The following SLC7A5 variants were observed in gnomAD, a reference collection of about 807,000 sequenced individuals.
The protein encoded by SLC7A5 is solute carrier family 7 member 5, also known as large neutral amino acids transporter small subunit 1.
Under a neutral mutation model 50.2 loss-of-function variants are expected in SLC7A5, and 23 were observed. That is an observed-to-expected ratio of 0.46 (90% CI 0.33 to 0.65). The LOEUF (loss-of-function observed/expected upper bound fraction) is 0.65, where lower values mean the gene tolerates loss of function less well. Ranked by LOEUF, SLC7A5 falls within the 30% of genes least tolerant of loss-of-function variation. The pLI is 0.02. For synonymous variants in SLC7A5, 393 were observed against 330.6 expected (o/e 1.19, Z -2.05); for missense variants, 578 against 684.4 (o/e 0.84, Z 1.73).
Position 87,832,917 on chromosome 16 carries a change from C to G in SLC7A5, c.*53G>C. 1.4e-6 allele frequency: 2 copies of G among 1,466,466 alleles called. No homozygotes were observed. Among genetic ancestry groups the G allele is most frequent in the Non-Finnish European group, 1.9e-6 (2 of 1,046,158 alleles). 90.8% of individuals were successfully genotyped at this position (1,466,466 alleles called of 1,614,324 possible). A position where few individuals can be genotyped will look rare whatever the true frequency, so the allele number is the denominator to read the frequency against. On this transcript the variant is annotated 3_prime_UTR_variant, in exon 10 of 10. Transcript: ENST00000261622. This position sits in a 1 kb window ranked among gnomAD's most constrained non-coding sequence, Gnocchi z 4.6. ...ACCGGAGTGGGTTCGAGGAGGTGAT[C>G]TACTTTAACTGGCCTCTGCGCATGC...
chr16:87,850,679 T>TCC (rs1274016406), intron 2 of SLC7A5, among the ~76,000 whole-genome samples: 2 of 152,192 alleles, frequency 1.3e-5, no homozygotes, highest in African/African-American at 4.8e-5. Context: ...GACAGAGGCA[T>TCC]CCCTGCTGGA....
chr16:87,836,701 A>T, intron 7 of SLC7A5, 54 bp from the exon 8 acceptor site: 1 of 1,598,172 alleles, frequency 6.3e-7, no homozygotes, highest in South Asian at 1.1e-5. Flanking sequence ...AGGGCTGTGG[A>T]CGGCCGTGGT....
rs375530915 is a variant in SLC7A5 at position 87,839,783 on chromosome 16, C to G, written c.858G>C (p.Thr286=). The change falls in exon 5 of 10, where the codon ACG becomes ACC. Residue 286 remains threonine, a synonymous_variant. Coordinates refer to ENST00000261622, the MANE Select transcript of SLC7A5 (RefSeq NM_003486.7). ...CCAGGTTGGTCAGCACGTACACCAG[C>G]GTCACGATGGGCAGGGAGATGATGA... The part of the protein sequence containing the change: ...LAIIISLPIV[T]LVYVLTNLAY... 1 of 1,613,828 alleles carries G rather than the reference C, an allele frequency of 6.2e-7. No homozygotes were observed. Among genetic ancestry groups the G allele is most frequent in the Non-Finnish European group, 8.5e-7 (1 of 1,179,994 alleles).
intron 1 of SLC7A5, among the ~76,000 whole-genome samples, chr16:87,854,391 TA>T (rs1355818237): frequency 6.6e-6 from 1 of 152,268 alleles, no homozygotes; most frequent in African/African-American, 2.4e-5. Context: ...TTTTACGTTT[TA>T]AGATGAGATA....
chr16:87,843,793 C>T (rs543405793), intron 2 of SLC7A5, among the ~76,000 whole-genome samples: 25 of 152,322 alleles, frequency 1.6e-4, no homozygotes, highest in African/African-American at 3.4e-4. Context: ...AGAGAGCCCA[C>T]GGTGGCAGAG....
chr16:87,849,706 C>A (rs1179320322), intron 2 of SLC7A5, among the ~76,000 whole-genome samples: 1 of 152,114 alleles, frequency 6.6e-6, no homozygotes, highest in Non-Finnish European at 1.5e-5. Flanking sequence ...GGAATGAGCT[C>A]GTCTTGCCTT....
rs2055508167 is a variant in SLC7A5, at chr16:87,869,506, G to C, written c.-84C>G. On this transcript the variant is annotated 5_prime_UTR_variant, in exon 1 of 10. Transcript: ENST00000261622. ...CGCGCCGCCCGCCGCCCGCAGCTGC[G>C]TCAGGAACCCCGCCCGCGCCGCCTT... 3.8e-6 allele frequency: 4 copies of C among 1,058,184 alleles called. No individual in the cohort carries two copies. Among genetic ancestry groups the C allele is most frequent in the Non-Finnish European group, 4.6e-6 (4 of 862,086 alleles). The allele number at this position is 1,058,184 out of a possible 1,614,324, so 65.5% of individuals were successfully genotyped here.
At chr16:87,840,041 G>A (rs939615838) in intron 4 of SLC7A5, among the ~76,000 whole-genome samples, 11 of 152,222 alleles carry the variant, frequency 7.2e-5, no homozygotes, top group African/African-American at 1.7e-4. Context: ...CCTTGGCCGC[G>A]GCCTCAGCTT....
intron 1 of SLC7A5, among the ~76,000 whole-genome samples, chr16:87,867,449 C>T (rs987491475): frequency 2.0e-5 from 3 of 152,218 alleles, no homozygotes; most frequent in African/African-American, 7.2e-5. Flanking sequence ...CGGCTTTGAC[C>T]TGCATGGTGG....
At position 87,833,642 on chromosome 16, in the gene SLC7A5, T is replaced by C. The variant is rs8060433; in HGVS notation, c.1469-617A>G. Among the ~76,000 whole-genome samples, 3,811 of 126,544 alleles carry C rather than the reference T, an allele frequency of 0.03. 112 individuals carry two copies. Among genetic ancestry groups the C allele is most frequent in the African/African-American group, 0.16 (2,921 of 18,656 alleles). The allele number at this position is 126,544 out of a possible 152,430, so 83.0% of individuals were successfully genotyped here. On this transcript the variant is annotated intron_variant, in intron 9 of 9. Coordinates refer to ENST00000261622, the MANE Select transcript of SLC7A5 (RefSeq NM_003486.7). The surrounding 1 kb of genome is among the most constrained non-coding windows in gnomAD (Gnocchi z 6.0). ...CGGTGATCAGAGTGTGGGGTAGGGG[T>C]GGGGGGTCTCCCTGCCTGTGTTGCT...
chr16:87,840,199 T>C (rs2055065272), intron 4 of SLC7A5, among the ~76,000 whole-genome samples: 1 of 152,172 alleles, frequency 6.6e-6, no homozygotes. Context: ...CTCTGTACCG[T>C]CCCGCCCTGA....
In SLC7A5 at chr16:87,846,128, C is replaced by T. The variant is rs548049116; in HGVS notation, c.665-4973G>A. ...CCCTTGGGGCAGCCAACGCCGCAGCCCTGGCTCCAGGCCCAGGTTGTCCGG... is the reference window on the plus strand; with the variant it reads ...CCCTTGGGGCAGCCAACGCCGCAGCTCTGGCTCCAGGCCCAGGTTGTCCGG... On this transcript the variant is annotated intron_variant, in intron 2 of 9. Transcript: ENST00000261622. Among the ~76,000 whole-genome samples the T allele has an allele frequency of 1.5e-4, 23 of 152,340 alleles. No homozygotes were observed. The South Asian group carries it at 4.6e-3, about 30-fold the overall frequency.
chr16:87,839,115 G>A (rs2055050946), intron 5 of SLC7A5, among the ~76,000 whole-genome samples: 1 of 152,198 alleles, frequency 6.6e-6, no homozygotes, highest in Non-Finnish European at 1.5e-5. Flanking sequence ...TTCCCCCGTG[G>A]GGTCCTCCAC....
rs1208246261 is a variant in SLC7A5, at chr16:87,851,775, G to A, written c.613C>T (p.Leu205Phe). Reference sequence around the variant, plus strand: ...AGGATGATCAGGGCCAGGGCCAGGAGCTTGGCGGCGGCAAAGGCATCCTGG... The same window carrying A: ...AGGATGATCAGGGCCAGGGCCAGGAACTTGGCGGCGGCAAAGGCATCCTGG... Reference protein sequence around the residue: ...RVQDAFAAAKLLALALIILLG... With the variant: ...RVQDAFAAAKFLALALIILLG... Residue 205 changes from leucine (L) to phenylalanine (F), a missense_variant, in exon 2 of 10, where the codon CTC (leucine) becomes TTC (phenylalanine). By Grantham distance (22) the Leu-to-Phe change is conservative. Around this residue, in one of 2 missense-constraint regions of SLC7A5, gnomAD observed 465 missense variants for 594.6 expected, o/e 0.78. Coordinates refer to ENST00000261622, the MANE Select transcript of SLC7A5 (RefSeq NM_003486.7). 6.2e-7 allele frequency: 1 copy of A among 1,613,196 alleles called. No homozygotes were observed. Among genetic ancestry groups the A allele is most frequent in the Non-Finnish European group, 8.5e-7 (1 of 1,179,968 alleles).
chr16:87,865,861 C>G (rs2055454224), intron 1 of SLC7A5, among the ~76,000 whole-genome samples: 1 of 152,160 alleles, frequency 6.6e-6, no homozygotes, highest in Non-Finnish European at 1.5e-5. Flanking sequence ...ATGGCTCATG[C>G]CTGTAATCCC....
Position 87,852,423 on chromosome 16 carries a change from T to C in SLC7A5, c.539-574A>G, listed in dbSNP as rs569331131. Among the ~76,000 whole-genome samples the C allele has an allele frequency of 2.7e-3, 413 of 152,182 alleles. No individual in the cohort carries two copies. Among genetic ancestry groups the C allele is most frequent in the African/African-American group, 9.6e-3 (398 of 41,536 alleles). On this transcript the variant is annotated intron_variant, in intron 1 of 9. Transcript: ENST00000261622. This position sits in a 1 kb window ranked among gnomAD's most constrained non-coding sequence, Gnocchi z 4.5. ...GCCTGGGAGGGGCCACAGGGGCCTG[T>C]GGTGAGCAGAGCAGACCCTGCTGCC...
Position 87,837,853 on chromosome 16 carries a change from C to A in SLC7A5, c.1132G>T (p.Val378Leu), listed in dbSNP as rs183791552. 13 of 1,604,240 alleles carry A rather than the reference C, an allele frequency of 8.1e-6. No homozygotes were observed. The highest frequency in any genetic ancestry group is 1.0e-5 in the Non-Finnish European group (12 of 1,176,808). The stretch of plus-strand genomic sequence containing the variant: ...CCGTGCAGCAGGCTTACCGTGAACA[C>A]GAGGGACGGCACGGGGGTGAGGAGC... Reference protein sequence around the residue: ...PQLLTPVPSLVFTCVMTLLYA... With the variant: ...PQLLTPVPSLLFTCVMTLLYA... The change falls in exon 7 of 10, where the codon GTG becomes TTG. Residue 378 changes from valine (V) to leucine (L), a missense_variant. Around this residue, in one of 2 missense-constraint regions of SLC7A5, gnomAD observed 465 missense variants for 594.6 expected, o/e 0.78. Coordinates refer to ENST00000261622, the MANE Select transcript of SLC7A5 (RefSeq NM_003486.7).
At chr16:87,855,253 T>A (rs1209330670) in intron 1 of SLC7A5, among the ~76,000 whole-genome samples, 1 of 152,094 alleles carries the variant, frequency 6.6e-6, no homozygotes, top group African/African-American at 2.4e-5. Context: ...CCACCCAGCA[T>A]GAGGTGGGGG....
At position 87,862,907 on chromosome 16, in the gene SLC7A5, G is replaced by A. The variant is rs1043445692; in HGVS notation, c.538+5978C>T. Among the ~76,000 whole-genome samples the A allele has an allele frequency of 6.6e-6, 1 of 152,214 alleles. No individual in the cohort carries two copies. The highest frequency in any genetic ancestry group is 2.4e-5 in the African/African-American group (1 of 41,450). ...AGGAGTGACAGCCATGGGGAGGAGAGCCACCTCACTCCAGGGACCCTGGCA... is the reference window on the plus strand; with the variant it reads ...AGGAGTGACAGCCATGGGGAGGAGAACCACCTCACTCCAGGGACCCTGGCA... On this transcript the variant is annotated intron_variant, in intron 1 of 9. Coordinates refer to ENST00000261622, the MANE Select transcript of SLC7A5 (RefSeq NM_003486.7). This position sits in a 1 kb window ranked among gnomAD's most constrained non-coding sequence, Gnocchi z 5.3.
Sources: allele counts gnomAD v4.1 joint callset (sites outside exome capture counted in the v4.1 genomes callset), GRCh38; gene constraint gnomAD v4.1.1; regional missense constraint gnomAD v4.1.1; non-coding constraint Gnocchi (gnomAD v3.1); transcripts MANE v1.5; gene names NCBI Gene and HGNC (gene_info 2026-07-23, HGNC 2026-07-21).